BPIFB3: variants seen among roughly 807,000 people sequenced by gnomAD.
BPIFB3 encodes BPI fold containing family B member 3, also known as BPI fold-containing family B member 3.
Under a neutral mutation model 53.1 loss-of-function variants are expected in BPIFB3, and 49 were observed. The observed-to-expected ratio is 0.92, with a 90% CI of 0.73 to 1.17. BPIFB3 has a LOEUF of 1.17. Among genes scored for constraint, BPIFB3 ranks in the 50% most tolerant of loss-of-function variants. The pLI, the probability that BPIFB3 is intolerant of heterozygous loss-of-function variation, is 0.00. For missense variants in BPIFB3, 628 were observed against 592.5 expected (o/e 1.06, Z -0.62); for synonymous variants, 271 against 269.6 (o/e 1.01, Z -0.05).
chr20:33,062,020 C>T (rs377124717), intron 5 of BPIFB3, among the ~76,000 whole-genome samples, 189 bp downstream of exon 6: 4 of 151,210 alleles, frequency 2.6e-5, no homozygotes, highest in South Asian at 2.1e-4. Flanking sequence ...GTGGATGACA[C>T]GATCCTTTCG....
chr20:33,054,651 T>C (rs1347852763), upstream of BPIFB3, among the ~76,000 whole-genome samples: 4 of 152,092 alleles, frequency 2.6e-5, no homozygotes, highest in Non-Finnish European at 4.4e-5. Flanking sequence ...GCAGGGATTT[T>C]GTGGGTAATG....
chr20:33,055,604 T>C, intron 1 of BPIFB3, 57 bp downstream of exon 2: 1 of 1,608,892 alleles, frequency 6.2e-7, no homozygotes, highest in Middle Eastern at 1.7e-4. Context: ...CGACTCAATC[T>C]ATATGCTTAG....
chr20:33,066,497 C>T (rs905457801), intron 8 of BPIFB3, among the ~76,000 whole-genome samples: 1 of 152,206 alleles, frequency 6.6e-6, no homozygotes, highest in African/African-American at 2.4e-5. Context: ...GGTTCAAATC[C>T]TGGTGTCACC....
intron 11 of BPIFB3, 25 bp downstream of exon 12, chr20:33,069,980 A>T (rs1320255770): frequency 5.6e-6 from 9 of 1,612,116 alleles, no homozygotes; most frequent in East Asian, 4.5e-5. Flanking sequence ...TGGGGACAGG[A>T]TCTTGTTCTT....
At chr20:33,070,077 C>G in intron 11 of BPIFB3, 122 bp downstream of exon 12, 1 of 1,170,262 alleles carries the variant, frequency 8.5e-7, no homozygotes, top group Middle Eastern at 1.9e-4. Flanking sequence ...TTCCAGCATC[C>G]TCCTTGCCTT....
Position 33,069,957 on chromosome 20 carries a change from T to C in BPIFB3, c.1217+2T>C, listed in dbSNP as rs139673530. ...GCACATCTCCCTGTCCCTGGAACGG[T>C]AACTTGGGATCCTGGGGACAGGATC... On this transcript the variant is annotated splice_donor_variant, in intron 11 of 14. Transcript: ENST00000375494. LOFTEE classifies it high-confidence loss of function. The C allele has an allele frequency of 5.6e-6, 9 of 1,614,042 alleles. No homozygotes were observed. In the African/African-American group the frequency reaches 6.7e-5, roughly 12 times the overall value.
intron 12 of BPIFB3, 33 bp from the exon 14 acceptor site, chr20:33,072,071 A>G (rs1320755056): frequency 6.2e-7 from 1 of 1,612,408 alleles, no homozygotes; most frequent in Non-Finnish European, 8.5e-7. Context: ...ACCCCAGAGC[A>G]CCACCCCCAC....
At chr20:33,072,283 C>T in intron 13 of BPIFB3, 116 bp downstream of exon 14, 1 of 1,138,786 alleles carries the variant, frequency 8.8e-7, no homozygotes, top group South Asian at 1.3e-5. Flanking sequence ...AGAGGTCGAT[C>T]CTCATTTGCA....
At chr20:33,056,197 A>T (rs532965609) in intron 1 of BPIFB3, among the ~76,000 whole-genome samples, 1 of 151,938 alleles carries the variant, frequency 6.6e-6, no homozygotes, top group South Asian at 2.1e-4. Context: ...TACACTACTG[A>T]CCCCAACCCA....
exon 3 of BPIFB3, chr20:33,059,461 A>C (rs770009781): frequency 6.6e-5 from 107 of 1,611,756 alleles, no homozygotes; most frequent in Non-Finnish European, 9.0e-5. Context: ...CTGCACACCA[A>C]AGTGGGCATG....
At chr20:33,066,824 G>A (rs1980688774) in exon 9 of BPIFB3, 2 of 1,614,146 alleles carry the variant, frequency 1.2e-6, no homozygotes, top group Non-Finnish European at 1.7e-6. Flanking sequence ...GGGGGTCCAG[G>A]TTCCCAGCGA....
At chr20:33,068,711 C>T in intron 9 of BPIFB3, 92 bp from the exon 11 acceptor site, 1 of 1,345,538 alleles carries the variant, frequency 7.4e-7, no homozygotes, top group Non-Finnish European at 1.0e-6. Flanking sequence ...AGCACGTTGC[C>T]CAGTGCCTGG....
intron 9 of BPIFB3, 49 bp from the exon 11 acceptor site, chr20:33,068,754 A>G (rs768106273): frequency 2.5e-6 from 4 of 1,574,950 alleles, no homozygotes; most frequent in Non-Finnish European, 2.6e-6. Flanking sequence ...TGACTGACTG[A>G]CTGATTGTAG....
intron 1 of BPIFB3, 117 bp from the exon 3 acceptor site, chr20:33,056,425 G>A (rs1980207133): frequency 3.7e-6 from 5 of 1,344,582 alleles, no homozygotes; most frequent in Non-Finnish European, 5.2e-6. Context: ...GTAACCTCTG[G>A]GTTAATTCCA....
chr20:33,056,548 A>G lies in BPIFB3; in HGVS notation c.131A>G (p.Gln44Arg), dbSNP rs2146378970. Residue 44 changes from glutamine to arginine, a missense_variant, in exon 2 of 15, where the codon CAG becomes CGG. Coordinates refer to ENST00000375494, the Ensembl canonical transcript of BPIFB3. Reference sequence around the variant, plus strand: ...ACTTCCACTCTCTCTGCAGCCATCCAGAACTCACTGGTTGGGGAGCCCATT... The same window carrying G: ...ACTTCCACTCTCTCTGCAGCCATCCGGAACTCACTGGTTGGGGAGCCCATT... 4 of 1,613,932 alleles carry G rather than the reference A, an allele frequency of 2.5e-6. No homozygotes were observed. In the East Asian group the frequency reaches 8.9e-5, roughly 36 times the overall value.
chr20:33,060,020 C>A (rs1451104843), exon 4 of BPIFB3: 9 of 1,613,950 alleles, frequency 5.6e-6, no homozygotes, highest in Non-Finnish European at 7.6e-6. Flanking sequence ...GCCACATCAG[C>A]CTGTTCTCAG....
chr20:33,068,877 C>CCA lies in BPIFB3; in HGVS notation c.1056_1057dup (p.Asn353ThrfsTer30). On this transcript the variant is annotated frameshift_variant, in exon 10 of 15. Coordinates refer to ENST00000375494, the Ensembl canonical transcript of BPIFB3. LOFTEE classifies it high-confidence loss of function. The stretch of plus-strand genomic sequence containing the variant: ...TGAGGGAAGCTCCCACGGTCACACT[C>CCA]CACAACAAGAAGGCCTTGGTCTCCC... The CCA allele has an allele frequency of 6.2e-7, 1 of 1,614,054 alleles. No homozygotes were observed. The highest frequency in any genetic ancestry group is 8.5e-7 in the Non-Finnish European group (1 of 1,179,940).
chr20:33,068,746 A>G, intron 9 of BPIFB3, 57 bp from the exon 11 acceptor site: 1 of 1,543,186 alleles, frequency 6.5e-7, no homozygotes, highest in East Asian at 2.3e-5. Context: ...GTGTTTGCTG[A>G]CTGACTGACT....
chr20:33,055,893 G>A (rs1360100920), intron 1 of BPIFB3, among the ~76,000 whole-genome samples: 1 of 152,168 alleles, frequency 6.6e-6, no homozygotes, highest in African/African-American at 2.4e-5. Flanking sequence ...TAAGGGAACT[G>A]TACTTGGCAT....
Sources: allele counts gnomAD v4.1 joint callset (sites outside exome capture counted in the v4.1 genomes callset), GRCh38; gene constraint gnomAD v4.1.1; transcripts MANE v1.5; gene names NCBI Gene and HGNC (gene_info 2026-07-23, HGNC 2026-07-21).